Variants in PALLD observed in about 807,000 individuals in gnomAD.
The protein encoded by PALLD is palladin, cytoskeletal associated protein.
A neutral mutation model predicts 123.5 loss-of-function variants in PALLD; 61 were observed. The ratio of observed to expected loss-of-function variants is 0.49; its 90% CI spans 0.40 to 0.61. The LOEUF (loss-of-function observed/expected upper bound fraction) is 0.61. PALLD is among the 20% of genes least tolerant of loss of function. PALLD has a pLI of 0.00. For synonymous variants in PALLD, 465 were observed against 496.4 expected (o/e 0.94, Z 0.84); for missense variants, 1,273 against 1,377.0 (o/e 0.92, Z 1.20).
chr4:168,913,077 A>G (rs1311013261), intron 15 of PALLD, among the ~76,000 whole-genome samples: 3 of 151,830 alleles, frequency 2.0e-5, no homozygotes, highest in South Asian at 2.1e-4. Context: ...TACTTCTTAC[A>G]TAACACTCAT....
intron 5 of PALLD, among the ~76,000 whole-genome samples, chr4:168,683,906 G>A (rs967299019): frequency 1.5e-4 from 23 of 152,090 alleles, no homozygotes; most frequent in Non-Finnish European, 5.9e-5. Context: ...AGGTGCTATC[G>A]ATATGTGGAA....
intron 3 of PALLD, among the ~76,000 whole-genome samples, chr4:168,670,589 C>A (rs188646963): frequency 7.3e-5 from 11 of 150,512 alleles, no homozygotes; most frequent in African/African-American, 2.5e-4. Flanking sequence ...AAAAATTAGC[C>A]GGGCGCGGTG....
chr4:168,702,451 G>A (rs1016711702), intron 8 of PALLD, among the ~76,000 whole-genome samples: 3 of 152,206 alleles, frequency 2.0e-5, no homozygotes, highest in Admixed American at 6.5e-5. Flanking sequence ...CTACTTGGGA[G>A]GCTGAGGCAG....
At chr4:168,567,131 T>A (rs553042896) in intron 2 of PALLD, among the ~76,000 whole-genome samples, 80 of 152,158 alleles carry the variant, frequency 5.3e-4, no homozygotes, top group Non-Finnish European at 9.7e-4. Flanking sequence ...CTCACATGTT[T>A]GAGTTAAAAA....
At chr4:168,892,528 G>T (rs1754291300) in intron 11 of PALLD, among the ~76,000 whole-genome samples, 2 of 152,106 alleles carry the variant, frequency 1.3e-5, no homozygotes, top group African/African-American at 4.8e-5. Context: ...TTTCAATGAA[G>T]TTTTGTGTTA....
chr4:168,575,548 A>G (rs1580385094), intron 2 of PALLD, among the ~76,000 whole-genome samples: 1 of 152,040 alleles, frequency 6.6e-6, no homozygotes, highest in Non-Finnish European at 1.5e-5. Flanking sequence ...GCCAAACCAT[A>G]TCACCACTCT....
rs142835339 is a variant in PALLD at position 168,539,869 on chromosome 4, A to G, written c.908+27457A>G. Among the ~76,000 whole-genome samples the G allele has an allele frequency of 3.4e-3, 510 of 152,106 alleles. 3 individuals are homozygous for G. Among genetic ancestry groups the G allele is most frequent in the Non-Finnish European group, 6.2e-3 (419 of 68,002 alleles). On this transcript the variant is annotated intron_variant, in intron 2 of 21. Transcript: ENST00000505667. ...ACGTGCAGGTTTGTTACATGGGTATATTGCGTGGTGCTGAGGCTTGGGGTA... is the reference window on the plus strand; with the variant it reads ...ACGTGCAGGTTTGTTACATGGGTATGTTGCGTGGTGCTGAGGCTTGGGGTA...
At chr4:168,800,231 G>A (rs1739126720) in intron 10 of PALLD, among the ~76,000 whole-genome samples, 1 of 152,086 alleles carries the variant, frequency 6.6e-6, no homozygotes, top group Non-Finnish European at 1.5e-5. Context: ...GGCATAAAAA[G>A]ATAATAAAGG....
chr4:168,559,078 C>G (rs772536186), intron 2 of PALLD, among the ~76,000 whole-genome samples: 1 of 152,082 alleles, frequency 6.6e-6, no homozygotes, highest in Non-Finnish European at 1.5e-5. Flanking sequence ...TTTAACTCAC[C>G]CTGAATTACA....
intron 10 of PALLD, among the ~76,000 whole-genome samples, chr4:168,800,749 C>T (rs1452723924): frequency 6.6e-6 from 1 of 152,188 alleles, no homozygotes; most frequent in Non-Finnish European, 1.5e-5. Flanking sequence ...TAGCAAACTT[C>T]ACTCTTGAGT....
rs1582241602 is a variant in PALLD, at chr4:168,924,264, C to G, written c.3068C>G (p.Ala1023Gly). 6.2e-7 allele frequency: 1 copy of G among 1,613,734 alleles called. No homozygotes were observed. Among genetic ancestry groups the G allele is most frequent in the African/African-American group, 1.3e-5 (1 of 75,008 alleles). Residue 1023 changes from alanine (A) to glycine (G), a missense_variant, in exon 19 of 22, where the codon GCA becomes GGA. Transcript: ENST00000505667. ...SLELVVAAKE[A>G]HKPPVFIEKL... ...TCTCATGTTTTCTTAGCTAAAGAAG[C>G]ACACAAACCCCCTGTGTTTATTGAG...
chr4:168,574,733 C>T (rs924446740), intron 2 of PALLD, among the ~76,000 whole-genome samples: 2 of 151,984 alleles, frequency 1.3e-5, no homozygotes, highest in African/African-American at 2.4e-5. Context: ...ACTCTTTTGC[C>T]CTGAATGAGT....
chr4:168,756,733 T>G (rs552625368), intron 10 of PALLD, among the ~76,000 whole-genome samples: 5 of 152,184 alleles, frequency 3.3e-5, no homozygotes, highest in Non-Finnish European at 7.3e-5. Flanking sequence ...GAATGTCAAG[T>G]AGGCAGCTCG....
chr4:168,879,752 A>T (rs989752209), intron 10 of PALLD, among the ~76,000 whole-genome samples: 23 of 152,198 alleles, frequency 1.5e-4, no homozygotes, highest in Admixed American at 4.6e-4. Context: ...ATGAATATAT[A>T]AAGAAACAAG....
At position 168,685,951 on chromosome 4, in the gene PALLD, T is replaced by C. The variant is rs140143281; in HGVS notation, c.1335+392T>C. Reference sequence around the variant, plus strand: ...ATTTGCATTGCCAGGCTGAATGACATCCATTTCATTGGTCAGCCTCTCAAG... The same window carrying C: ...ATTTGCATTGCCAGGCTGAATGACACCCATTTCATTGGTCAGCCTCTCAAG... On this transcript the variant is annotated intron_variant, in intron 6 of 21. Coordinates refer to ENST00000505667, the MANE Select transcript of PALLD (RefSeq NM_001166108.2). Among the ~76,000 whole-genome samples, 218 of 152,116 alleles carry C rather than the reference T, an allele frequency of 1.4e-3. 1 individual carries two copies. The highest frequency in any genetic ancestry group is 4.7e-3 in the African/African-American group (195 of 41,524).
intron 2 of PALLD, among the ~76,000 whole-genome samples, chr4:168,665,119 C>G (rs900035293): frequency 6.6e-6 from 1 of 152,164 alleles, no homozygotes; most frequent in Admixed American, 6.5e-5. Context: ...GCTTAGCTTA[C>G]TTGGAATATA....
intron 2 of PALLD, among the ~76,000 whole-genome samples, chr4:168,550,582 C>CTCCACTCCCCA (rs1766625197): frequency 1.3e-5 from 2 of 150,844 alleles, no homozygotes; most frequent in East Asian, 4.0e-4. Flanking sequence ...TAAAGAGCCA[C>CTCCACTCCCCA]TGGGAGAGTC....
chr4:168,544,728 C>T (rs1413092196), intron 2 of PALLD, among the ~76,000 whole-genome samples: 3 of 152,090 alleles, frequency 2.0e-5, no homozygotes, highest in Non-Finnish European at 4.4e-5. Flanking sequence ...TCAGAAAATT[C>T]CAAGGCTGTT....
At chr4:168,605,816 A>G (rs541376550) in intron 2 of PALLD, among the ~76,000 whole-genome samples, 78 of 152,360 alleles carry the variant, frequency 5.1e-4, no homozygotes, top group African/African-American at 1.8e-3. Context: ...AGTGTAAAAG[A>G]TATTATATAT....
Sources: gnomAD v4.1 joint callset for allele counts (sites outside exome capture counted in the v4.1 genomes callset) on GRCh38, gnomAD v4.1.1 for gene constraint, MANE v1.5 for transcripts, NCBI Gene and HGNC (gene_info 2026-07-23, HGNC 2026-07-21) for gene names.